The following NBEA variants were observed in gnomAD, a reference collection of about 807,000 sequenced individuals.
The protein encoded by NBEA is neurobeachin, also known as lysosomal-trafficking regulator 2.
In NBEA, 44 loss-of-function variants were observed where a neutral mutation model predicts 343.4. The observed-to-expected ratio is 0.13, with a 90% CI of 0.10 to 0.16. The LOEUF (loss-of-function observed/expected upper bound fraction) is 0.16, where lower values mean the gene tolerates loss of function less well. Ranked by LOEUF, NBEA falls within the 10% of genes least tolerant of loss-of-function variation. The pLI is 1.00. For synonymous variants in NBEA, 1,175 were observed against 1,238.7 expected, an observed-to-expected ratio of 0.95 and a Z score of 1.08; for missense variants, 2,555 against 3,631.3, an observed-to-expected ratio of 0.70 and a Z score of 7.62.
Position 35,159,951 on chromosome 13 carries a change from A to G in NBEA, c.3780A>G (p.Ile1260Met), listed in dbSNP as rs1276117915. Residue 1260 changes from isoleucine to methionine, a missense_variant, in exon 22 of 59, where the codon ATA (isoleucine) becomes ATG (methionine). Physicochemically the swap from Ile to Met is conservative, Grantham distance 10 (BLOSUM62 1). Coordinates refer to ENST00000379939, the MANE Select transcript of NBEA (RefSeq NM_001385012.1). ...TACCAAATATTGATGCAGGAAGTAT[A>G]ATTTCAGATACTGAAAGGTCTGACG... ...KIVPNIDAGS[I>M]ISDTERSDDG... 1.3e-6 allele frequency: 2 copies of G among 1,594,268 alleles called. No individual in the cohort carries two copies. Among genetic ancestry groups the G allele is most frequent in the African/African-American group, 2.7e-5 (2 of 74,570 alleles).
chr13:35,264,171 A>T (rs1377841506), intron 34 of NBEA, among the ~76,000 whole-genome samples: 2 of 151,932 alleles, frequency 1.3e-5, no homozygotes, highest in Non-Finnish European at 2.9e-5. Context: ...AAATGAAAAA[A>T]AAAATCTAGA....
intron 30 of NBEA, chr13:35,185,773 A>G (rs1041632933): frequency 6.6e-5 from 10 of 152,166 alleles, no homozygotes; most frequent in African/African-American, 2.4e-4. Context: ...TTTAAGGCCA[A>G]TGTGGTAAAC....
chr13:35,620,864 T>TA (rs942607985), intron 48 of NBEA, among the ~76,000 whole-genome samples: 2 of 152,092 alleles, frequency 1.3e-5, no homozygotes, highest in African/African-American at 4.8e-5. Context: ...TCTCTAGTCT[T>TA]ACAGAGGCAG....
Position 34,955,630 on chromosome 13 carries a change from G to T in NBEA, c.294+12516G>T, listed in dbSNP as rs73490324. Among the ~76,000 whole-genome samples, 969 of 152,144 alleles carry T rather than the reference G, an allele frequency of 6.4e-3. 11 individuals carry two copies. The highest frequency in any genetic ancestry group is 0.022 in the African/African-American group (927 of 41,506). On this transcript the variant is annotated intron_variant, in intron 1 of 58. Transcript: ENST00000379939. ...AGAGCCACGAAAGAGTGTTTTCATG[G>T]TTTTTTGCCTTAATGCTAACTATAG...
chr13:35,022,227 A>G (rs1336544351), intron 1 of NBEA, among the ~76,000 whole-genome samples: 1 of 152,114 alleles, frequency 6.6e-6, no homozygotes. Flanking sequence ...GCCATTATAA[A>G]GGTGGTTATA....
intron 43 of NBEA, 142 bp downstream of exon 43, chr13:35,551,174 T>C (rs2153013317): frequency 2.1e-6 from 1 of 487,100 alleles, no homozygotes; most frequent in South Asian, 4.5e-5. Flanking sequence ...TTTGTAGGGA[T>C]AGAGATTATG....
intron 34 of NBEA, among the ~76,000 whole-genome samples, chr13:35,280,379 T>C (rs949797551): frequency 6.6e-6 from 1 of 152,142 alleles, no homozygotes; most frequent in African/African-American, 2.4e-5. Flanking sequence ...AATTGAATAA[T>C]ATTATTTATA....
chr13:35,120,672 A>ATTGTTATTTAGTAATAATGTAT (rs1566316799), intron 16 of NBEA, among the ~76,000 whole-genome samples: 2 of 149,130 alleles, frequency 1.3e-5, no homozygotes, highest in African/African-American at 5.1e-5. Flanking sequence ...AATTGGGCTT[A>ATTGTTATTTAGTAATAATGTAT]AGGAAGCCCT....
intron 35 of NBEA, among the ~76,000 whole-genome samples, chr13:35,308,568 ATATATATGTATATATG>A (rs6144999): frequency 2.1e-4 from 18 of 87,424 alleles, no homozygotes; most frequent in African/African-American, 5.2e-4. Flanking sequence ...GTATATATGT[ATATATATGTATATATG>A]TATATATGTA....
At chr13:35,371,289 G>A (rs2041417476) in intron 38 of NBEA, among the ~76,000 whole-genome samples, 2 of 151,802 alleles carry the variant, frequency 1.3e-5, no homozygotes, top group Admixed American at 1.3e-4. Flanking sequence ...TGTGTTATGA[G>A]GACTTTGTTT....
intron 38 of NBEA, among the ~76,000 whole-genome samples, chr13:35,394,473 G>T (rs1047204820): frequency 1.1e-4 from 17 of 151,852 alleles, no homozygotes; most frequent in Admixed American, 9.9e-4. Context: ...TTAAGTAGTT[G>T]TAAAGATTTT....
chr13:35,605,914 A>C (rs1236629228), intron 47 of NBEA, among the ~76,000 whole-genome samples: 1 of 150,976 alleles, frequency 6.6e-6, no homozygotes, highest in Non-Finnish European at 1.5e-5. Context: ...AATTTACTTT[A>C]TCAAGTAAAA....
chr13:35,472,577 T>TG (rs1334314777), intron 41 of NBEA, 41 bp downstream of exon 41: 39 of 1,612,516 alleles, frequency 2.4e-5, no homozygotes, highest in African/African-American at 5.3e-5. Context: ...GGTGGCTTTG[T>TG]GGCAGGAAGT....
intron 1 of NBEA, among the ~76,000 whole-genome samples, chr13:34,958,486 A>G (rs1052412873): frequency 6.8e-6 from 1 of 147,008 alleles, no homozygotes; most frequent in Non-Finnish European, 1.5e-5. Flanking sequence ...CCTGTTATAT[A>G]GTAAACATTT....
intron 44 of NBEA, among the ~76,000 whole-genome samples, chr13:35,562,819 C>A (rs1458135660): frequency 6.6e-6 from 1 of 151,992 alleles, no homozygotes; most frequent in East Asian, 1.9e-4. Flanking sequence ...CTGCCATCAT[C>A]TAATTAAACA....
intron 33 of NBEA, among the ~76,000 whole-genome samples, chr13:35,228,761 T>C (rs2074809102): frequency 6.6e-6 from 1 of 152,054 alleles, no homozygotes; most frequent in Admixed American, 6.6e-5. Flanking sequence ...TAGTCATCAA[T>C]CAAGCATCTT....
At chr13:34,957,178 A>G (rs1316842375) in intron 1 of NBEA, among the ~76,000 whole-genome samples, 2 of 151,932 alleles carry the variant, frequency 1.3e-5, no homozygotes, top group African/African-American at 4.8e-5. Context: ...TAGTAGAGCT[A>G]CTCTTGATTC....
intron 34 of NBEA, among the ~76,000 whole-genome samples, chr13:35,242,541 G>A (rs887878102): frequency 6.6e-6 from 1 of 151,830 alleles, no homozygotes; most frequent in Non-Finnish European, 1.5e-5. Context: ...TCAGACATAC[G>A]AACTGAAGCT....
intron 1 of NBEA, among the ~76,000 whole-genome samples, chr13:35,023,620 G>A (rs548763275): frequency 5.3e-5 from 8 of 152,140 alleles, no homozygotes; most frequent in South Asian, 2.1e-4. Flanking sequence ...ACAAAAGTAC[G>A]TACATCTGTG....
Sources: gnomAD v4.1 joint callset for allele counts (sites outside exome capture counted in the v4.1 genomes callset) on GRCh38, gnomAD v4.1.1 for gene constraint, MANE v1.5 for transcripts, NCBI Gene and HGNC (gene_info 2026-07-23, HGNC 2026-07-21) for gene names.